The following PAFAH1B1 variants were observed in gnomAD, a reference collection of about 807,000 sequenced individuals.
PAFAH1B1 encodes platelet-activating factor acetylhydrolase IB subunit beta.
In PAFAH1B1, 2 loss-of-function variants were observed where a neutral mutation model predicts 57.5. The observed-to-expected ratio is 0.03, with a 90% CI of 0.01 to 0.11. The LOEUF (loss-of-function observed/expected upper bound fraction) is 0.11. PAFAH1B1 is among the 10% of genes least tolerant of loss of function. PAFAH1B1 has a pLI of 1.00. For synonymous variants in PAFAH1B1, 152 were observed against 169.6 expected, an observed-to-expected ratio of 0.90 and a Z score of 0.81; for missense variants, 257 against 512.0, an observed-to-expected ratio of 0.50 and a Z score of 4.81.
chr17:2,639,917 G>A (rs1404851573), intron 2 of PAFAH1B1: 1 of 151,992 alleles, frequency 6.6e-6, no homozygotes. Context: ...AAAAAATTTT[G>A]TGGCTTTTCA....
chr17:2,609,863 C>T (rs1216487790), intron 1 of PAFAH1B1, among the ~76,000 whole-genome samples: 1 of 151,252 alleles, frequency 6.6e-6, no homozygotes, highest in East Asian at 1.9e-4. Context: ...CCTGCTCTGT[C>T]GCCCATGCTA....
intron 1 of PAFAH1B1, among the ~76,000 whole-genome samples, chr17:2,614,863 T>C (rs896554254): frequency 2.6e-5 from 4 of 152,194 alleles, no homozygotes; most frequent in African/African-American, 7.2e-5. Context: ...GCAAAGATTA[T>C]AGTGCACCAC....
At chr17:2,664,207 A>G (rs1384157690) in intron 2 of PAFAH1B1, among the ~76,000 whole-genome samples, 1 of 152,216 alleles carries the variant, frequency 6.6e-6, no homozygotes, top group Non-Finnish European at 1.5e-5. Flanking sequence ...AATTAAAGCC[A>G]GTAATCCCAC....
rs1035141525 is a variant in PAFAH1B1, at chr17:2,645,531, TGCAGTGAGCCGAGATC to T, written c.32+7215_32+7230del. Among the ~76,000 whole-genome samples the T allele has an allele frequency of 1.5e-4, 22 of 150,792 alleles. 2 individuals carry two copies. The highest frequency in any genetic ancestry group is 2.7e-4 in the Non-Finnish European group (18 of 67,672). On this transcript the variant is annotated intron_variant, in intron 2 of 10. Coordinates refer to ENST00000397195, the MANE Select transcript of PAFAH1B1 (RefSeq NM_000430.4). ...TCACTTGAACCTGGGAGGCAGAGGT[TGCAGTGAGCCGAGATC>T]GCACCACTGCACTCCAGCCTGGGGG...
chr17:2,657,416 G>A (rs898477070), intron 2 of PAFAH1B1, among the ~76,000 whole-genome samples: 8 of 152,172 alleles, frequency 5.3e-5, no homozygotes, highest in Non-Finnish European at 2.9e-5. Context: ...GGCTAATATT[G>A]TATTTTTAGT....
At position 2,615,066 on chromosome 17, in the gene PAFAH1B1, G is replaced by A. The variant is rs553920621; in HGVS notation, c.-191+21060G>A. On this transcript the variant is annotated intron_variant, in intron 1 of 10. Coordinates refer to ENST00000397195, the MANE Select transcript of PAFAH1B1 (RefSeq NM_000430.4). ...CAGATTGAAACTATTCAGACAAAAT[G>A]ATAGTTGTGTCAGTACTGAACATGC... is the stretch of plus-strand genomic sequence containing the variant. Among the ~76,000 whole-genome samples, 5 of 152,292 alleles carry A rather than the reference G, an allele frequency of 3.3e-5. No individual in the cohort carries two copies. In the South Asian group the frequency reaches 1.0e-3, roughly 32 times the overall value.
chr17:2,674,488 T>C (rs543420398), intron 8 of PAFAH1B1, among the ~76,000 whole-genome samples, 200 bp downstream of exon 8: 1 of 152,378 alleles, frequency 6.6e-6, no homozygotes, highest in Admixed American at 6.5e-5. Context: ...GCTGTCAGCC[T>C]ATCCTTGATT....
At chr17:2,601,366 C>T (rs1053114572) in intron 1 of PAFAH1B1, among the ~76,000 whole-genome samples, 1 of 152,044 alleles carries the variant, frequency 6.6e-6, no homozygotes, top group Non-Finnish European at 1.5e-5. Flanking sequence ...AACTCCTGAC[C>T]TCGTGATCTG....
chr17:2,593,960 A>C lies in PAFAH1B1; in HGVS notation c.-237A>C. The C allele has an allele frequency of 5.1e-6, 1 of 196,136 alleles. No homozygotes were observed. Among genetic ancestry groups the C allele is most frequent in the Non-Finnish European group, 9.7e-6 (1 of 103,076 alleles). The allele number at this position is 196,136 out of a possible 1,614,324, so 12.1% of individuals were successfully genotyped here. ...TCCCCCTCCCCCGCCGGTGGATGGG[A>C]GTGAAGGACGGAAGAGGCCCTGCGG... On this transcript the variant is annotated 5_prime_UTR_variant, in exon 1 of 11. Coordinates refer to ENST00000397195, the MANE Select transcript of PAFAH1B1 (RefSeq NM_000430.4).
At chr17:2,663,571 CTTAACTTA>C (rs1485359642) in intron 2 of PAFAH1B1, among the ~76,000 whole-genome samples, 1 of 2,872 alleles carries the variant, frequency 3.5e-4, no homozygotes, top group African/African-American at 3.8e-4. Flanking sequence ...TCAGTCTTTA[CTTAACTTA>C]TTACTTTTAG....
At chr17:2,608,281 G>T (rs145164311) in intron 1 of PAFAH1B1, among the ~76,000 whole-genome samples, 2,123 of 151,966 alleles carry the variant, frequency 0.014, 25 homozygotes, top group African/African-American at 0.032. Flanking sequence ...GATGGGGGTT[G>T]CACTATGTTG....
chr17:2,683,134 C>T lies in PAFAH1B1; in HGVS notation c.*1332C>T, dbSNP rs560812874. 3.3e-5 allele frequency: 5 copies of T among 152,248 alleles called. No individual in the cohort carries two copies. Among genetic ancestry groups the T allele is most frequent in the Admixed American group, 6.5e-5 (1 of 15,288 alleles). 9.4% of individuals were successfully genotyped at this position (152,248 alleles called of 1,614,324 possible). ...TTTCCAGCCGAAGGAAAATCACTTC[C>T]GTTATGTCCCCCTCTAATTTAGCCG... On this transcript the variant is annotated 3_prime_UTR_variant, in exon 11 of 11. Coordinates refer to ENST00000397195, the MANE Select transcript of PAFAH1B1 (RefSeq NM_000430.4).
rs1597561935 is a variant in PAFAH1B1, at chr17:2,659,105, G to T, written c.33-6267G>T. Among the ~76,000 whole-genome samples, 6 of 152,236 alleles carry T rather than the reference G, an allele frequency of 3.9e-5. No individual in the cohort carries two copies. The South Asian group carries it at 1.2e-3, about 32-fold the overall frequency. On this transcript the variant is annotated intron_variant, in intron 2 of 10. Coordinates refer to ENST00000397195, the MANE Select transcript of PAFAH1B1 (RefSeq NM_000430.4). ...GTCTCTACTAAAAATACAAAAATTA[G>T]CTGGGCCTAATGGCACGTGCCTGTA...
At chr17:2,628,022 A>G (rs1405289595) in intron 1 of PAFAH1B1, among the ~76,000 whole-genome samples, 1 of 152,208 alleles carries the variant, frequency 6.6e-6, no homozygotes, top group African/African-American at 2.4e-5. Context: ...ATCGTCAGCA[A>G]ACAGTGACAG....
chr17:2,656,792 C>T (rs1281790148), intron 2 of PAFAH1B1, among the ~76,000 whole-genome samples: 4 of 152,190 alleles, frequency 2.6e-5, no homozygotes, highest in Non-Finnish European at 5.9e-5. Flanking sequence ...CTGTATACTT[C>T]TGACACTTCT....
At chr17:2,600,800 G>C (rs1049236776) in intron 1 of PAFAH1B1, among the ~76,000 whole-genome samples, 1 of 151,886 alleles carries the variant, frequency 6.6e-6, no homozygotes, top group African/African-American at 2.4e-5. Context: ...CGCGATCTCG[G>C]CTCACTGCAA....
At chr17:2,600,613 G>T (rs1597507155) in intron 1 of PAFAH1B1, among the ~76,000 whole-genome samples, 1 of 149,138 alleles carries the variant, frequency 6.7e-6, no homozygotes, top group African/African-American at 2.5e-5. Flanking sequence ...TATGTTCTAT[G>T]ATATACTAGT....
intron 1 of PAFAH1B1, among the ~76,000 whole-genome samples, chr17:2,633,048 T>C (rs970442249): frequency 6.6e-6 from 1 of 152,206 alleles, no homozygotes; most frequent in East Asian, 1.9e-4. Context: ...ATAACTATAA[T>C]CATACCCCTG....
chr17:2,607,570 C>T (rs1412145807), intron 1 of PAFAH1B1, among the ~76,000 whole-genome samples: 1 of 151,934 alleles, frequency 6.6e-6, no homozygotes, highest in Non-Finnish European at 1.5e-5. Context: ...CTGCAGCCTC[C>T]ACCTCCCAGG....
Sources: gnomAD v4.1 joint callset for allele counts (sites outside exome capture counted in the v4.1 genomes callset) on GRCh38, gnomAD v4.1.1 for gene constraint, MANE v1.5 for transcripts, NCBI Gene and HGNC (gene_info 2026-07-23, HGNC 2026-07-21) for gene names.